The following PCSK5 variants were observed in gnomAD, a reference collection of about 807,000 sequenced individuals.
PCSK5 encodes the protein prohormone convertase 5.
PCSK5 carries 129 observed loss-of-function variants against 233.2 expected under a neutral mutation model. The observed-to-expected ratio is 0.55, with a 90% CI of 0.48 to 0.64. The LOEUF (loss-of-function observed/expected upper bound fraction) is 0.64, where lower values mean the gene tolerates loss of function less well. Among genes scored for constraint, PCSK5 ranks in the 30% least tolerant of loss-of-function variants. The pLI, the probability that PCSK5 is intolerant of heterozygous loss-of-function variation, is 0.00. For missense variants in PCSK5, 2,076 were observed against 2,430.1 expected (o/e 0.85, Z 3.06); for synonymous variants, 825 against 879.2 (o/e 0.94, Z 1.09).
chr9:76,008,534 T>G (rs1292797394), intron 3 of PCSK5, among the ~76,000 whole-genome samples: 2 of 151,954 alleles, frequency 1.3e-5, no homozygotes, highest in East Asian at 3.9e-4. Flanking sequence ...CAATCTTGGC[T>G]CACCACAACC....
chr9:76,119,496 C>T (rs2131710346), intron 9 of PCSK5, among the ~76,000 whole-genome samples: 1 of 152,176 alleles, frequency 6.6e-6, no homozygotes, highest in South Asian at 2.1e-4. Flanking sequence ...TCCAGATTTA[C>T]ATGTGGCAAG....
chr9:76,130,397 GTGAT>G (rs752453784), intron 9 of PCSK5, among the ~76,000 whole-genome samples: 3 of 152,156 alleles, frequency 2.0e-5, no homozygotes, highest in Non-Finnish European at 2.9e-5. Flanking sequence ...GTGTTATATG[GTGAT>G]TGATAGCATA....
intron 5 of PCSK5, among the ~76,000 whole-genome samples, chr9:76,051,163 G>T (rs1829616699): frequency 6.6e-6 from 1 of 152,250 alleles, no homozygotes; most frequent in South Asian, 2.1e-4. Flanking sequence ...ACCAACCAGG[G>T]TTCATTTTTA....
intron 24 of PCSK5, among the ~76,000 whole-genome samples, chr9:76,260,440 C>G (rs1270805573): frequency 2.0e-5 from 3 of 152,192 alleles, no homozygotes; most frequent in Non-Finnish European, 2.9e-5. Context: ...AAGTGGAGAA[C>G]CTTTCCAGCT....
At chr9:75,924,168 T>C (rs1823375780) in intron 1 of PCSK5, among the ~76,000 whole-genome samples, 1 of 152,130 alleles carries the variant, frequency 6.6e-6, no homozygotes. Flanking sequence ...AGATTAGATA[T>C]CTGAAATCAT....
chr9:76,223,863 CA>C (rs1825802003), intron 20 of PCSK5, among the ~76,000 whole-genome samples: 1 of 152,114 alleles, frequency 6.6e-6, no homozygotes, highest in Admixed American at 6.5e-5. Context: ...CCAAAAACAA[CA>C]AAAAAGAGCA....
intron 37 of PCSK5, among the ~76,000 whole-genome samples, chr9:76,354,560 G>C (rs2131529804): frequency 6.6e-6 from 1 of 152,218 alleles, no homozygotes; most frequent in East Asian, 1.9e-4. Flanking sequence ...CAGACAGATG[G>C]CTTGAGTCTA....
At chr9:75,892,855 A>G (rs1825671225) in intron 1 of PCSK5, among the ~76,000 whole-genome samples, 1 of 152,180 alleles carries the variant, frequency 6.6e-6, no homozygotes, top group Non-Finnish European at 1.5e-5. Flanking sequence ...GAGAACTGAG[A>G]CTAGGGCAAG....
intron 32 of PCSK5, among the ~76,000 whole-genome samples, chr9:76,325,984 T>C (rs1033528323): frequency 2.0e-5 from 3 of 152,124 alleles, no homozygotes; most frequent in African/African-American, 7.2e-5. Context: ...GAATGTGGTA[T>C]TGGAAGAAAC....
intron 9 of PCSK5, among the ~76,000 whole-genome samples, chr9:76,128,408 C>G (rs1822607897): frequency 6.6e-6 from 1 of 152,200 alleles, no homozygotes. Context: ...TGCATGTGAT[C>G]TCAAATGACT....
chr9:76,198,527 A>G (rs572429572), intron 20 of PCSK5, among the ~76,000 whole-genome samples: 5 of 152,300 alleles, frequency 3.3e-5, no homozygotes, highest in African/African-American at 1.2e-4. Context: ...ACTCAAGCCC[A>G]CAGCTTCAAC....
At chr9:76,181,720 C>A in intron 16 of PCSK5, 129 bp downstream of exon 16, 1 of 637,748 alleles carries the variant, frequency 1.6e-6, no homozygotes, top group Non-Finnish European at 2.7e-6. Context: ...CTAGTTCATT[C>A]ATTTTAAGAG....
intron 9 of PCSK5, among the ~76,000 whole-genome samples, chr9:76,119,034 G>A (rs1320656776): frequency 6.6e-6 from 1 of 151,846 alleles, no homozygotes; most frequent in Non-Finnish European, 1.5e-5. Context: ...AATCAAGCAA[G>A]ATTAGATTAA....
intron 2 of PCSK5, among the ~76,000 whole-genome samples, chr9:75,975,902 T>A (rs950065057): frequency 6.6e-6 from 1 of 152,226 alleles, no homozygotes; most frequent in African/African-American, 2.4e-5. Flanking sequence ...CATGCAGTGA[T>A]GATTTTGACC....
chr9:76,219,991 T>C (rs1181359425), intron 20 of PCSK5, among the ~76,000 whole-genome samples: 2 of 151,770 alleles, frequency 1.3e-5, no homozygotes, highest in Non-Finnish European at 2.9e-5. Context: ...GAGGAGACAG[T>C]TGGGGATAAA....
intron 1 of PCSK5, among the ~76,000 whole-genome samples, chr9:75,908,662 C>T (rs1822518907): frequency 6.6e-6 from 1 of 152,204 alleles, no homozygotes; most frequent in South Asian, 2.1e-4. Context: ...CCGGGACATC[C>T]ACATGCCCAG....
At chr9:76,109,452 GT>G (rs1832116667) in intron 9 of PCSK5, among the ~76,000 whole-genome samples, 1 of 137,372 alleles carries the variant, frequency 7.3e-6, no homozygotes, top group South Asian at 2.3e-4. Context: ...AAAAAAAACA[GT>G]TCTTTTAATC....
rs553845822 is a variant in PCSK5, at chr9:76,360,046, C to G, written c.*1124C>G. On this transcript the variant is annotated 3_prime_UTR_variant, in exon 38 of 38. Transcript: ENST00000674117. ...ATTCTTGGATTCATGCAACTGAGGA[C>G]AGTTTTTGTCCAGATTGTAACACAG... 2 of 152,268 alleles carry G rather than the reference C, an allele frequency of 1.3e-5. No individual in the cohort carries two copies. Among genetic ancestry groups the G allele is most frequent in the African/African-American group, 4.8e-5 (2 of 41,544 alleles). 9.4% of individuals were successfully genotyped at this position (152,268 alleles called of 1,614,324 possible). A position where few individuals can be genotyped will look rare whatever the true frequency, so the allele number is the denominator to read the frequency against.
At chr9:76,165,897 A>G (rs1393264941) in intron 12 of PCSK5, among the ~76,000 whole-genome samples, 1 of 151,540 alleles carries the variant, frequency 6.6e-6, no homozygotes, top group African/African-American at 2.4e-5. Flanking sequence ...GAATCTCCGT[A>G]GCAGGTGTCC....
Sources: allele counts gnomAD v4.1 joint callset (sites outside exome capture counted in the v4.1 genomes callset), GRCh38; gene constraint gnomAD v4.1.1; transcripts MANE v1.5; gene names NCBI Gene and HGNC (gene_info 2026-07-23, HGNC 2026-07-21).